The following ZBTB20 variants were observed in gnomAD, a reference collection of about 807,000 sequenced individuals.
ZBTB20 encodes zinc finger and BTB domain-containing protein 20.
In ZBTB20, 9 loss-of-function variants were observed where a neutral mutation model predicts 56.9. The ratio of observed to expected loss-of-function variants is 0.16; its 90% CI spans 0.10 to 0.28. The LOEUF is 0.28. ZBTB20 is among the 10% of genes least tolerant of loss of function. The pLI is 1.00. For synonymous variants in ZBTB20, 417 were observed against 420.7 expected, an observed-to-expected ratio of 0.99 and a Z score of 0.11; for missense variants, 655 against 1,003.0, an observed-to-expected ratio of 0.65 and a Z score of 4.69.
intron 6 of ZBTB20, among the ~76,000 whole-genome samples, chr3:114,560,716 G>T (rs2051915178): frequency 6.6e-6 from 1 of 152,148 alleles, no homozygotes; most frequent in South Asian, 2.1e-4. Context: ...TTTGCTGGTG[G>T]AGGGTCTTGC....
chr3:114,747,926 A>AAAAC lies in ZBTB20; in HGVS notation c.-343+53174_-343+53175insGTTT, dbSNP rs1262205433. ...AGCGAGACTCCGTCTCAAAAAAAAAAAAAAAAAAAAAAAAAAAAAAAAAAC... is the reference window on the plus strand; with the variant it reads ...AGCGAGACTCCGTCTCAAAAAAAAAAAAACAAAAAAAAAAAAAAAAAAAAAAAAC... On this transcript the variant is annotated intron_variant, in intron 5 of 11. Transcript: ENST00000675478. 6.8e-4 allele frequency among the ~76,000 whole-genome samples: 100 copies of AAAAC among 147,638 alleles called. 26 individuals carry two copies. Among genetic ancestry groups the AAAAC allele is most frequent in the African/African-American group, 2.6e-3 (100 of 38,946 alleles).
At chr3:115,044,304 G>A (rs376744074) in intron 2 of ZBTB20, among the ~76,000 whole-genome samples, 5 of 152,200 alleles carry the variant, frequency 3.3e-5, no homozygotes, top group East Asian at 3.9e-4. Context: ...ATTTTGCAGC[G>A]AGAAAAACAA....
chr3:114,767,495 T>C (rs986738701), intron 5 of ZBTB20, among the ~76,000 whole-genome samples: 30 of 148,982 alleles, frequency 2.0e-4, no homozygotes, highest in African/African-American at 7.4e-4. Flanking sequence ...AGAGAAATAT[T>C]GAAAAGAAAA....
At chr3:114,955,660 C>G (rs1236744293) in intron 3 of ZBTB20, among the ~76,000 whole-genome samples, 1 of 152,036 alleles carries the variant, frequency 6.6e-6, no homozygotes, top group South Asian at 2.1e-4. Flanking sequence ...GGTAAGTCAT[C>G]ATCTTCAAAT....
chr3:114,389,133 G>T (rs1008797011), intron 7 of ZBTB20, 28 bp from the exon 8 acceptor site: 2 of 152,210 alleles, frequency 1.3e-5, no homozygotes, highest in African/African-American at 4.8e-5. Context: ...CAAAAATAAG[G>T]TTGTTAAATG....
intron 7 of ZBTB20, among the ~76,000 whole-genome samples, chr3:114,484,682 A>T (rs1236479719): frequency 2.0e-5 from 3 of 152,234 alleles, no homozygotes; most frequent in Non-Finnish European, 4.4e-5. Flanking sequence ...TGCACCCAGC[A>T]AATGTTGTGG....
At chr3:115,143,806 C>A (rs907283995) in intron 1 of ZBTB20, among the ~76,000 whole-genome samples, 1 of 152,146 alleles carries the variant, frequency 6.6e-6, no homozygotes, top group East Asian at 1.9e-4. Flanking sequence ...ACAAAAGGTA[C>A]AAATAAGAAA....
intron 10 of ZBTB20, among the ~76,000 whole-genome samples, chr3:114,377,834 G>T (rs537434148): frequency 3.3e-5 from 5 of 152,228 alleles, no homozygotes; most frequent in South Asian, 2.1e-4. Context: ...GGATCATACT[G>T]ACAGGATATG....
intron 2 of ZBTB20, among the ~76,000 whole-genome samples, chr3:115,039,965 C>T (rs2081075793): frequency 6.6e-6 from 1 of 152,018 alleles, no homozygotes; most frequent in Admixed American, 6.6e-5. Flanking sequence ...ACCATACACA[C>T]ACATATACAT....
chr3:114,479,580 T>G (rs548877804), intron 7 of ZBTB20, among the ~76,000 whole-genome samples: 28 of 152,316 alleles, frequency 1.8e-4, no homozygotes, highest in African/African-American at 6.7e-4. Flanking sequence ...TTGTCCAACC[T>G]ATTTTCTTTT....
At chr3:114,937,414 T>G (rs2076573393) in intron 3 of ZBTB20, among the ~76,000 whole-genome samples, 1 of 152,010 alleles carries the variant, frequency 6.6e-6, no homozygotes, top group Non-Finnish European at 1.5e-5. Context: ...CATAAATGTC[T>G]TCTTCTTCTT....
At chr3:114,482,237 A>G (rs1383631252) in intron 7 of ZBTB20, among the ~76,000 whole-genome samples, 2 of 152,196 alleles carry the variant, frequency 1.3e-5, no homozygotes, top group African/African-American at 4.8e-5. Flanking sequence ...TCAGGGATCT[A>G]CATGGACAGG....
At chr3:114,786,833 A>G (rs1415168072) in intron 5 of ZBTB20, among the ~76,000 whole-genome samples, 2 of 152,160 alleles carry the variant, frequency 1.3e-5, no homozygotes, top group East Asian at 1.9e-4. Context: ...ACTCTTATAC[A>G]TTGCCAGTGG....
At chr3:114,767,076 G>C (rs1167896852) in intron 5 of ZBTB20, among the ~76,000 whole-genome samples, 1 of 151,934 alleles carries the variant, frequency 6.6e-6, no homozygotes, top group Non-Finnish European at 1.5e-5. Flanking sequence ...TAAAGTAACT[G>C]AATTATATCA....
At chr3:115,145,972 G>A (rs1560607424) in intron 1 of ZBTB20, among the ~76,000 whole-genome samples, 1 of 152,164 alleles carries the variant, frequency 6.6e-6, no homozygotes, top group African/African-American at 2.4e-5. Flanking sequence ...GCCACGCAGT[G>A]AGGAAACTTG....
At chr3:114,609,814 G>A (rs1303907826) in intron 6 of ZBTB20, among the ~76,000 whole-genome samples, 1 of 152,184 alleles carries the variant, frequency 6.6e-6, no homozygotes, top group East Asian at 1.9e-4. Flanking sequence ...ATTAAACACA[G>A]TGTTTGAAGA....
At chr3:115,059,539 T>C (rs1408436712) in intron 2 of ZBTB20, among the ~76,000 whole-genome samples, 2 of 152,192 alleles carry the variant, frequency 1.3e-5, no homozygotes, top group South Asian at 2.1e-4. Flanking sequence ...GGTTGTTCTT[T>C]GCCGGCCTTC....
chr3:114,935,671 A>G (rs1321573141), intron 3 of ZBTB20, among the ~76,000 whole-genome samples: 1 of 152,188 alleles, frequency 6.6e-6, no homozygotes, highest in African/African-American at 2.4e-5. Context: ...TCAGTTTGCC[A>G]TCCCCTGTTC....
chr3:114,929,742 G>A (rs1236985454), intron 3 of ZBTB20, among the ~76,000 whole-genome samples: 3 of 152,084 alleles, frequency 2.0e-5, no homozygotes, highest in Non-Finnish European at 4.4e-5. Context: ...GAAATGTTTG[G>A]AATTGGGTGT....
Sources: allele counts gnomAD v4.1 joint callset (sites outside exome capture counted in the v4.1 genomes callset), GRCh38; gene constraint gnomAD v4.1.1; transcripts MANE v1.5; gene names NCBI Gene and HGNC (gene_info 2026-07-23, HGNC 2026-07-21).